The following GRM8 variants were observed in gnomAD, a reference collection of about 807,000 sequenced individuals.
The protein encoded by GRM8 is glutamate metabotropic receptor 8, also known as metabotropic glutamate receptor 8.
Under a neutral mutation model 87.2 loss-of-function variants are expected in GRM8, and 47 were observed. That is an observed-to-expected ratio of 0.54 (90% CI 0.43 to 0.69). The LOEUF is 0.69. GRM8 is among the 30% of genes least tolerant of loss of function. GRM8 has a pLI of 0.00. For missense variants in GRM8, 1,019 were observed against 1,139.2 expected (o/e 0.89, Z 1.52); for synonymous variants, 396 against 404.5 (o/e 0.98, Z 0.25).
intron 3 of GRM8, among the ~76,000 whole-genome samples, chr7:127,094,709 A>G (rs961104058): frequency 2.6e-5 from 4 of 152,160 alleles, no homozygotes; most frequent in African/African-American, 9.7e-5. Context: ...AGTTTATGGG[A>G]CTTTGTTACA....
intron 3 of GRM8, among the ~76,000 whole-genome samples, chr7:127,066,560 T>C (rs1166352860): frequency 6.6e-6 from 1 of 152,190 alleles, no homozygotes; most frequent in Non-Finnish European, 1.5e-5. Flanking sequence ...TTATGAGTTA[T>C]ATAGTGATGT....
At chr7:127,194,652 G>A (rs1224100347) in intron 2 of GRM8, among the ~76,000 whole-genome samples, 1 of 152,116 alleles carries the variant, frequency 6.6e-6, no homozygotes, top group Non-Finnish European at 1.5e-5. Flanking sequence ...TAATCCGTAA[G>A]AAGTCATCTG....
At chr7:126,450,059 T>C (rs956112594) in intron 9 of GRM8, among the ~76,000 whole-genome samples, 6 of 151,822 alleles carry the variant, frequency 4.0e-5, no homozygotes, top group African/African-American at 1.4e-4. Context: ...ATGAAATCTT[T>C]TCTGGGACCT....
intron 3 of GRM8, among the ~76,000 whole-genome samples, chr7:126,924,560 G>A (rs557587504): frequency 6.6e-6 from 1 of 152,192 alleles, no homozygotes; most frequent in Non-Finnish European, 1.5e-5. Context: ...GGGTGGTATT[G>A]CCTGCCTTTT....
At chr7:127,190,621 G>C (rs1326492185) in intron 2 of GRM8, among the ~76,000 whole-genome samples, 1 of 152,004 alleles carries the variant, frequency 6.6e-6, no homozygotes, top group African/African-American at 2.4e-5. Flanking sequence ...TACAGGGAGA[G>C]ATGGAGAATT....
At chr7:126,915,655 G>A (rs906903217) in intron 3 of GRM8, among the ~76,000 whole-genome samples, 1 of 152,092 alleles carries the variant, frequency 6.6e-6, no homozygotes, top group Non-Finnish European at 1.5e-5. Flanking sequence ...ACAGGAACTG[G>A]GAAAGAGTCA....
intron 6 of GRM8, among the ~76,000 whole-genome samples, chr7:126,880,567 A>G (rs1799938386): frequency 6.6e-6 from 1 of 152,204 alleles, no homozygotes; most frequent in Admixed American, 6.5e-5. Context: ...CTGCCACTTG[A>G]TCTAATGTTA....
At chr7:126,440,989 C>A (rs1040570645) in intron 10 of GRM8, among the ~76,000 whole-genome samples, 1 of 151,894 alleles carries the variant, frequency 6.6e-6, no homozygotes, top group Non-Finnish European at 1.5e-5. Context: ...TACATTTGCA[C>A]ATATGTAAAA....
chr7:126,740,112 C>T (rs1181028936), intron 7 of GRM8, among the ~76,000 whole-genome samples: 1 of 152,024 alleles, frequency 6.6e-6, no homozygotes, highest in Non-Finnish European at 1.5e-5. Flanking sequence ...TGAGAGATCC[C>T]AAAGGACCTT....
intron 9 of GRM8, among the ~76,000 whole-genome samples, chr7:126,451,742 C>A (rs1241363002): frequency 6.6e-6 from 1 of 151,706 alleles, no homozygotes; most frequent in African/African-American, 2.4e-5. Flanking sequence ...ACATACCAGG[C>A]ATGCTTCTAC....
chr7:126,485,732 AG>A (rs1270242693), intron 9 of GRM8, among the ~76,000 whole-genome samples: 1 of 151,996 alleles, frequency 6.6e-6, no homozygotes, highest in Non-Finnish European at 1.5e-5. Flanking sequence ...CTAAAACTAC[AG>A]TCCTAAGCTC....
At chr7:126,467,409 T>C (rs1804625188) in intron 9 of GRM8, among the ~76,000 whole-genome samples, 1 of 152,034 alleles carries the variant, frequency 6.6e-6, no homozygotes, top group Non-Finnish European at 1.5e-5. Flanking sequence ...TCTTTTCTTT[T>C]AAAAAAGAAC....
intron 2 of GRM8, among the ~76,000 whole-genome samples, chr7:127,176,426 T>C (rs1386744915): frequency 2.6e-5 from 4 of 152,196 alleles, no homozygotes; most frequent in African/African-American, 9.6e-5. Flanking sequence ...CAAATATATG[T>C]TGCCTACCAG....
intron 3 of GRM8, among the ~76,000 whole-genome samples, chr7:127,048,300 C>T (rs1819140122): frequency 6.6e-6 from 1 of 152,012 alleles, no homozygotes; most frequent in Admixed American, 6.6e-5. Context: ...CAGGCAATGG[C>T]AGGGAGATTG....
rs560708135 is a variant in GRM8 at position 126,735,883 on chromosome 7, G to A, written c.1357+33982C>T. On this transcript the variant is annotated intron_variant, in intron 7 of 10. Coordinates refer to ENST00000339582, the MANE Select transcript of GRM8 (RefSeq NM_000845.3). ...TCTGAACAGTAAAAAGCTGGAAGCCGAAGCAGGGACACCTGGGCATTACCC... is the reference window on the plus strand; with the variant it reads ...TCTGAACAGTAAAAAGCTGGAAGCCAAAGCAGGGACACCTGGGCATTACCC... Among the ~76,000 whole-genome samples the A allele has an allele frequency of 6.0e-4, 91 of 152,156 alleles. 1 individual carries two copies. Among genetic ancestry groups the A allele is most frequent in the Middle Eastern group, 6.8e-3 (2 of 294 alleles).
At chr7:126,440,634 A>T (rs914882140) in intron 10 of GRM8, among the ~76,000 whole-genome samples, 4 of 151,964 alleles carry the variant, frequency 2.6e-5, no homozygotes, top group Non-Finnish European at 5.9e-5. Flanking sequence ...ATATCATTGC[A>T]TTACAACTGT....
chr7:126,470,640 G>T (rs1434298942), intron 9 of GRM8, among the ~76,000 whole-genome samples: 1 of 151,956 alleles, frequency 6.6e-6, no homozygotes, highest in Non-Finnish European at 1.5e-5. Flanking sequence ...GAACAGTGCT[G>T]CAATAAACAC....
At chr7:126,545,179 A>G (rs966735456) in intron 8 of GRM8, among the ~76,000 whole-genome samples, 2 of 152,136 alleles carry the variant, frequency 1.3e-5, no homozygotes, top group Non-Finnish European at 2.9e-5. Flanking sequence ...TGGCGTATGT[A>G]TTGTGGATGC....
chr7:126,555,986 T>G (rs556507245), intron 8 of GRM8, among the ~76,000 whole-genome samples: 4 of 152,284 alleles, frequency 2.6e-5, no homozygotes, highest in African/African-American at 9.6e-5. Context: ...AAACATCCAG[T>G]TGAAATGTGA....
Sources: allele counts gnomAD v4.1 joint callset (sites outside exome capture counted in the v4.1 genomes callset), GRCh38; gene constraint gnomAD v4.1.1; transcripts MANE v1.5; gene names NCBI Gene and HGNC (gene_info 2026-07-23, HGNC 2026-07-21).